Variants in DDAH1 observed in about 807,000 individuals in gnomAD.
DDAH1 encodes the protein N(G),N(G)-dimethylarginine dimethylaminohydrolase 1.
In DDAH1, 19 loss-of-function variants were observed where a neutral mutation model predicts 28.8. The observed-to-expected ratio is 0.66, with a 90% CI of 0.46 to 0.97. DDAH1 has a LOEUF of 0.97. Among genes scored for constraint, DDAH1 ranks in the 50% least tolerant of loss-of-function variants. DDAH1 has a pLI of 0.00. For missense variants in DDAH1, 326 were observed against 375.9 expected, an observed-to-expected ratio of 0.87 and a Z score of 1.10; for synonymous variants, 153 against 154.4, an observed-to-expected ratio of 0.99 and a Z score of 0.07.
intron 2 of DDAH1, among the ~76,000 whole-genome samples, chr1:85,487,981 C>T (rs1185919787): frequency 1.3e-5 from 2 of 151,912 alleles, no homozygotes; most frequent in Non-Finnish European, 2.9e-5. Context: ...GTCAGGAGTT[C>T]GAGACCAGCC....
intron 2 of DDAH1, among the ~76,000 whole-genome samples, chr1:85,354,501 G>T (rs184316731): frequency 4.8e-5 from 7 of 146,456 alleles, no homozygotes; most frequent in Non-Finnish European, 9.2e-5. Flanking sequence ...GCATTTACTC[G>T]CTGCAACCCT....
intron 1 of DDAH1, chr1:85,404,270 A>T: frequency 9.8e-7 from 1 of 1,016,994 alleles, no homozygotes; most frequent in Non-Finnish European, 1.4e-6. Flanking sequence ...AGAAGATGCC[A>T]CCAGTTCATA....
intron 1 of DDAH1, among the ~76,000 whole-genome samples, chr1:85,421,692 C>G (rs759677975): frequency 3.3e-4 from 50 of 152,196 alleles, no homozygotes; most frequent in Non-Finnish European, 5.7e-4. Flanking sequence ...TGGAATCATA[C>G]AGTATGTAGC....
chr1:85,537,741 T>A (rs1186555564), intron 1 of DDAH1, among the ~76,000 whole-genome samples: 1 of 151,156 alleles, frequency 6.6e-6, no homozygotes, highest in Non-Finnish European at 1.5e-5. Context: ...AAAAATAAGA[T>A]GCCCAAGTTT....
chr1:85,547,878 G>A lies in DDAH1; in HGVS notation c.-123+30106C>T, dbSNP rs559910695. On this transcript the variant is annotated intron_variant, in intron 1 of 6. Coordinates refer to the DDAH1 transcript ENST00000426972. ...TTAACTGCAAAGGAGTTTAAACACA[G>A]GAATAACAGAACAAAGAAAGCTGAG... 4.6e-5 allele frequency among the ~76,000 whole-genome samples: 7 copies of A among 152,268 alleles called. No homozygotes were observed. The South Asian group carries it at 1.5e-3, about 32-fold the overall frequency.
intron 2 of DDAH1, among the ~76,000 whole-genome samples, chr1:85,352,367 T>C (rs1236156464): frequency 1.3e-5 from 2 of 152,124 alleles, no homozygotes; most frequent in African/African-American, 2.4e-5. Flanking sequence ...CAGCCACCCT[T>C]GATGACCCTG....
chr1:85,545,284 A>C (rs910157463), intron 1 of DDAH1, among the ~76,000 whole-genome samples: 3 of 152,212 alleles, frequency 2.0e-5, no homozygotes, highest in African/African-American at 7.2e-5. Flanking sequence ...TTCTCCTTTA[A>C]TAATTTAAAG....
At chr1:85,462,234 G>T (rs1655153925) in intron 1 of DDAH1, among the ~76,000 whole-genome samples, 1 of 152,184 alleles carries the variant, frequency 6.6e-6, no homozygotes, top group Non-Finnish European at 1.5e-5. Context: ...TTCAGTGAAA[G>T]AACCTCGCTC....
At chr1:85,366,108 A>C (rs1184229156) in intron 1 of DDAH1, among the ~76,000 whole-genome samples, 1 of 151,900 alleles carries the variant, frequency 6.6e-6, no homozygotes, top group African/African-American at 2.4e-5. Context: ...AAAAAAAAAA[A>C]AAACAAAACA....
rs1300079995 is a variant in DDAH1, at chr1:85,319,198, C to G, written c.*2254G>C. The stretch of plus-strand genomic sequence containing the variant: ...TCACATCATCAATCATATAGGGAGT[C>G]CAAAGAAGCCAGCCTAGCAGGTAAC... On this transcript the variant is annotated 3_prime_UTR_variant, in exon 6 of 6. Coordinates refer to ENST00000284031, the MANE Select transcript of DDAH1 (RefSeq NM_012137.4). 3 of 152,054 alleles carry G rather than the reference C, an allele frequency of 2.0e-5. No homozygotes were observed. The highest frequency in any genetic ancestry group is 4.4e-5 in the Non-Finnish European group (3 of 68,010). 9.4% of individuals were successfully genotyped at this position (152,054 alleles called of 1,614,324 possible). A position where few individuals can be genotyped will look rare whatever the true frequency, so the allele number is the denominator to read the frequency against.
chr1:85,464,357 C>T lies in DDAH1; in HGVS notation c.303+386G>A. The T allele has an allele frequency of 1.4e-6, 1 of 693,236 alleles. No individual in the cohort carries two copies. The allele number at this position is 693,236 out of a possible 1,614,324, so 42.9% of individuals were successfully genotyped here. ...TGGCGCTGCCCCCTGGAGGGACGCCCAGCCTCCACCCGCCCTACCGGAGCG... is the reference window on the plus strand; with the variant it reads ...TGGCGCTGCCCCCTGGAGGGACGCCTAGCCTCCACCCGCCCTACCGGAGCG... On this transcript the variant is annotated intron_variant, in intron 1 of 5. Coordinates refer to ENST00000284031, the MANE Select transcript of DDAH1 (RefSeq NM_012137.4). The surrounding 1 kb of genome is among the most constrained non-coding windows in gnomAD (Gnocchi z 4.4).
chr1:85,458,590 A>G (rs1655001837), intron 1 of DDAH1, among the ~76,000 whole-genome samples: 1 of 152,020 alleles, frequency 6.6e-6, no homozygotes, highest in Non-Finnish European at 1.5e-5. Flanking sequence ...CACACATTTT[A>G]AAATGGGATT....
At chr1:85,447,160 T>G (rs1654473595) in intron 1 of DDAH1, among the ~76,000 whole-genome samples, 1 of 152,186 alleles carries the variant, frequency 6.6e-6, no homozygotes, top group African/African-American at 2.4e-5. Context: ...TGCAAAAATA[T>G]GCCTGCTGCT....
At chr1:85,518,347 G>T (rs1349945636) in intron 1 of DDAH1, among the ~76,000 whole-genome samples, 1 of 152,154 alleles carries the variant, frequency 6.6e-6, no homozygotes, top group Non-Finnish European at 1.5e-5. Flanking sequence ...GGTGGGCAGG[G>T]TTGCACTCCT....
At chr1:85,400,244 T>TA (rs35810227) in intron 1 of DDAH1, among the ~76,000 whole-genome samples, 83,374 of 131,040 alleles carry the variant, frequency 0.64, 27,428 homozygotes, top group Middle Eastern at 0.71. Context: ...AGGCTGGAAG[T>TA]ACAGTGGTGC....
chr1:85,523,983 T>C (rs77596002), intron 1 of DDAH1, among the ~76,000 whole-genome samples: 9 of 151,852 alleles, frequency 5.9e-5, no homozygotes, highest in East Asian at 2.0e-4. Flanking sequence ...CTCACACTTA[T>C]TGAGTATCTA....
At chr1:85,401,201 A>C (rs927798173) in intron 1 of DDAH1, among the ~76,000 whole-genome samples, 1 of 152,198 alleles carries the variant, frequency 6.6e-6, no homozygotes, top group African/African-American at 2.4e-5. Context: ...CTAGCAATAC[A>C]ATTACAGGAA....
upstream of DDAH1, among the ~76,000 whole-genome samples, chr1:85,468,584 A>G (rs1031501772): frequency 5.4e-4 from 82 of 151,366 alleles, no homozygotes; most frequent in African/African-American, 1.9e-3. Context: ...CAGTGGCGCA[A>G]TCTCGGCTCA....
At chr1:85,439,896 T>C (rs1391892369) in intron 1 of DDAH1, among the ~76,000 whole-genome samples, 1 of 152,248 alleles carries the variant, frequency 6.6e-6, no homozygotes, top group East Asian at 1.9e-4. Flanking sequence ...ATAATGCTAA[T>C]AAGACTACAG....
Sources: allele counts gnomAD v4.1 joint callset (sites outside exome capture counted in the v4.1 genomes callset), GRCh38; gene constraint gnomAD v4.1.1; non-coding constraint Gnocchi (gnomAD v3.1); transcripts MANE v1.5; gene names NCBI Gene and HGNC (gene_info 2026-07-23, HGNC 2026-07-21).